The following NT5E variants were observed in gnomAD, a reference collection of about 807,000 sequenced individuals.
NT5E encodes the protein 5'-nucleotidase ecto, also known as 5'-nucleotidase.
A neutral mutation model predicts 55.1 loss-of-function variants in NT5E; 53 were observed. The ratio of observed to expected loss-of-function variants is 0.96; its 90% confidence interval spans 0.77 to 1.21. NT5E has a LOEUF of 1.21. Ranked by LOEUF, NT5E falls within the 50% of genes most tolerant of loss-of-function variation. The pLI is 0.00. For synonymous variants in NT5E, 270 were observed against 278.4 expected, an observed-to-expected ratio of 0.97 and a Z score of 0.30; for missense variants, 683 against 724.3, an observed-to-expected ratio of 0.94 and a Z score of 0.65.
intron 1 of NT5E, among the ~76,000 whole-genome samples, chr6:85,453,602 C>T (rs1341207864): frequency 1.3e-5 from 2 of 152,194 alleles, no homozygotes; most frequent in Admixed American, 1.3e-4. Context: ...CCAAGACAGG[C>T]TGTGGGGAAG....
At position 85,450,359 on chromosome 6, in the gene NT5E, G is replaced by C; in HGVS notation, c.220G>C (p.Ala74Pro). 6.3e-7 allele frequency: 1 copy of C among 1,594,900 alleles called. No homozygotes were observed. The highest frequency in any genetic ancestry group is 8.5e-7 in the Non-Finnish European group (1 of 1,172,154). The change falls in exon 1 of 9, where the codon GCC (alanine) becomes CCC (proline). Residue 74 changes from alanine (A) to proline (P), a missense_variant. Transcript: ENST00000257770. The surrounding 1 kb of genome is among the most constrained non-coding windows in gnomAD (Gnocchi z 4.0). ...LFTKVQQIRR[A>P]EPNVLLLDAG... Reference sequence around the variant, plus strand: ...CACCAAGGTTCAGCAGATCCGCCGCGCCGAACCCAACGTGCTGCTGCTGGA... The same window carrying C: ...CACCAAGGTTCAGCAGATCCGCCGCCCCGAACCCAACGTGCTGCTGCTGGA...
chr6:85,484,906 T>C (rs1161344855), intron 3 of NT5E, among the ~76,000 whole-genome samples: 1 of 152,218 alleles, frequency 6.6e-6, no homozygotes, highest in Admixed American at 6.5e-5. Context: ...CTAATCCACC[T>C]GGCTAGTGAG....
chr6:85,450,572 G>GT lies in NT5E; in HGVS notation c.339+95dup. The stretch of plus-strand genomic sequence containing the variant: ...GGATGGCAGAGTGTGGCAAGCCTAG[G>GT]TCCAGGGCGCGGAGAGATGTGGGGA... On this transcript the variant is annotated intron_variant, in intron 1 of 8. Coordinates refer to ENST00000257770, the MANE Select transcript of NT5E (RefSeq NM_002526.4). The surrounding 1 kb of genome is among the most constrained non-coding windows in gnomAD (Gnocchi z 4.0). 8.3e-7 allele frequency: 1 copy of GT among 1,202,818 alleles called. No homozygotes were observed. Among genetic ancestry groups the GT allele is most frequent in the Non-Finnish European group, 1.2e-6 (1 of 837,164 alleles). 74.5% of individuals were successfully genotyped at this position (1,202,818 alleles called of 1,614,324 possible).
At chr6:85,473,479 G>A (rs572120246) in intron 3 of NT5E, among the ~76,000 whole-genome samples, 16 of 152,090 alleles carry the variant, frequency 1.1e-4, no homozygotes, top group Non-Finnish European at 2.4e-4. Context: ...GACACACAGT[G>A]GGAGCTAGAT....
Position 85,471,326 on chromosome 6 carries a change from C to A in NT5E, c.652C>A (p.Leu218Met). Residue 218 changes from leucine (L) to methionine (M), a missense_variant, in exon 3 of 9, where the codon CTG (leucine) becomes ATG (methionine). Coordinates refer to ENST00000257770, the MANE Select transcript of NT5E (RefSeq NM_002526.4). ...TCTAAATGTGAACAAAATTATTGCA[C>A]TGGGACATTCGGGTTTTGAAATGGA... ...KTLNVNKIIA[L>M]GHSGFEMDKL... is the part of the protein sequence containing the mutation. 1 of 1,613,172 alleles carries A rather than the reference C, an allele frequency of 6.2e-7. No individual in the cohort carries two copies. Among genetic ancestry groups the A allele is most frequent in the South Asian group, 1.1e-5 (1 of 91,004 alleles).
intron 1 of NT5E, among the ~76,000 whole-genome samples, chr6:85,461,136 C>G (rs1480711151): frequency 6.6e-6 from 1 of 152,110 alleles, no homozygotes; most frequent in African/African-American, 2.4e-5. Flanking sequence ...TAAATATTTA[C>G]TGAATGAATG....
chr6:85,487,542 G>A, intron 5 of NT5E, 53 bp downstream of exon 5: 1 of 1,597,854 alleles, frequency 6.3e-7, no homozygotes, highest in Admixed American at 1.7e-5. Flanking sequence ...AAGGAAGAGG[G>A]AAGAGGAAGG....
At chr6:85,464,599 T>C (rs1769154692) in intron 1 of NT5E, among the ~76,000 whole-genome samples, 1 of 152,176 alleles carries the variant, frequency 6.6e-6, no homozygotes, top group Non-Finnish European at 1.5e-5. Context: ...TGTTTACTTC[T>C]ATCATAAAGG....
rs1769794673 is a variant in NT5E, at chr6:85,491,988, G to A, written c.1372G>A (p.Val458Met). 1 of 1,613,638 alleles carries A rather than the reference G, an allele frequency of 6.2e-7. No individual in the cohort carries two copies. The highest frequency in any genetic ancestry group is 8.5e-7 in the Non-Finnish European group (1 of 1,179,584). ...CATTTCTTTTCTAGGAATCCATGTG[G>A]TGTATGATCTTTCCCGAAAACCTGG... Reference protein sequence around the residue: ...EFLQVGGIHVVYDLSRKPGDR... With the variant: ...EFLQVGGIHVMYDLSRKPGDR... Residue 458 changes from valine (V) to methionine (M), a missense_variant, in exon 8 of 9, where the codon GTG becomes ATG. Transcript: ENST00000257770.
At position 85,456,505 on chromosome 6, in the gene NT5E, T is replaced by G. The variant is rs113715386; in HGVS notation, c.339+6027T>G. On this transcript the variant is annotated intron_variant, in intron 1 of 8. Transcript: ENST00000257770. ...TGTGGGATCTGATGCTAAGTCCAGG[T>G]AGAGAATGTCAGAATGCATCTGAAT... is the stretch of plus-strand genomic sequence containing the variant. 3.3e-3 allele frequency among the ~76,000 whole-genome samples: 504 copies of G among 152,228 alleles called. 2 individuals carry two copies. Among genetic ancestry groups the G allele is most frequent in the African/African-American group, 0.011 (475 of 41,534 alleles).
chr6:85,492,191 T>C lies in NT5E; in HGVS notation c.1561+14T>C, dbSNP rs1769800662. ...GACATGACTCTGGTAAGCATGACTGTCTCTTCCTTTCTCTAAAGAACAACA... is the reference window on the plus strand; with the variant it reads ...GACATGACTCTGGTAAGCATGACTGCCTCTTCCTTTCTCTAAAGAACAACA... On this transcript the variant is annotated intron_variant, in intron 8 of 8. Coordinates refer to ENST00000257770, the MANE Select transcript of NT5E (RefSeq NM_002526.4). 1.9e-6 allele frequency: 3 copies of C among 1,611,790 alleles called. No homozygotes were observed. The highest frequency in any genetic ancestry group is 2.7e-5 in the African/African-American group (2 of 74,986).
At chr6:85,462,735 G>T (rs970305150) in intron 1 of NT5E, among the ~76,000 whole-genome samples, 2 of 152,186 alleles carry the variant, frequency 1.3e-5, no homozygotes, top group African/African-American at 4.8e-5. Flanking sequence ...GATTTGGTGC[G>T]TGAACCATTA....
At chr6:85,480,826 T>C (rs193087802) in intron 3 of NT5E, among the ~76,000 whole-genome samples, 2 of 152,348 alleles carry the variant, frequency 1.3e-5, no homozygotes, top group East Asian at 3.9e-4. Flanking sequence ...ATCAAATCTT[T>C]GGTTTTACAA....
rs2127726259 is a variant in NT5E at position 85,493,964 on chromosome 6, T to G, written c.1685T>G (p.Phe562Cys). 5 of 1,614,118 alleles carry G rather than the reference T, an allele frequency of 3.1e-6. No homozygotes were observed. The Middle Eastern group carries it at 5.0e-4, about 160-fold the overall frequency. Residue 562 changes from phenylalanine (F) to cysteine (C), a missense_variant, in exon 9 of 9, where the codon TTT becomes TGT. Transcript: ENST00000257770. ...SHCHGSFSLI[F>C]LSLWAVIFVL... is the part of the protein sequence containing the mutation. Reference sequence around the variant, plus strand: ...TGCCATGGAAGCTTTTCTTTAATATTTCTTTCACTTTGGGCAGTGATCTTT... The same window carrying G: ...TGCCATGGAAGCTTTTCTTTAATATGTCTTTCACTTTGGGCAGTGATCTTT...
chr6:85,467,066 G>T lies in NT5E; in HGVS notation c.346G>T (p.Gly116Ter). 6.2e-7 allele frequency: 1 copy of T among 1,613,848 alleles called. No individual in the cohort carries two copies. Among genetic ancestry groups the T allele is most frequent in the South Asian group, 1.1e-5 (1 of 91,052 alleles). The change falls in exon 2 of 9, where the codon GGA becomes TGA. Residue 116 changes from glycine (G) to a stop codon, truncating the protein, a stop_gained. Coordinates refer to ENST00000257770, the MANE Select transcript of NT5E (RefSeq NM_002526.4). LOFTEE classifies it high-confidence loss of function. Reference protein sequence around the residue: ...NALRYDAMALGNHEFDNGVEG... With the variant: ...NALRYDAMAL ...TCTTTTCTGTTTTATCTAGGCACTGGGAAATCATGAATTTGATAATGGTGT... is the reference window on the plus strand; with the variant it reads ...TCTTTTCTGTTTTATCTAGGCACTGTGAAATCATGAATTTGATAATGGTGT...
intron 1 of NT5E, among the ~76,000 whole-genome samples, chr6:85,455,700 A>G (rs531070694): frequency 9.5e-4 from 144 of 152,332 alleles, no homozygotes; most frequent in African/African-American, 3.3e-3. Flanking sequence ...CAGGCTTGTG[A>G]TCAGCCTGAA....
At chr6:85,455,822 T>A (rs4579322) in intron 1 of NT5E, among the ~76,000 whole-genome samples, 115,858 of 152,100 alleles carry the variant, frequency 0.76, 45,277 homozygotes, top group African/African-American at 0.93. Flanking sequence ...TTTTCTGGAG[T>A]ACTGTTTGGT....
intron 3 of NT5E, among the ~76,000 whole-genome samples, chr6:85,479,373 A>G (rs540515595): frequency 1.3e-5 from 2 of 152,302 alleles, no homozygotes; most frequent in Admixed American, 6.5e-5. Flanking sequence ...CTAGGAATTC[A>G]TGACTGCTCA....
At chr6:85,452,739 A>G (rs1768910578) in intron 1 of NT5E, among the ~76,000 whole-genome samples, 1 of 152,226 alleles carries the variant, frequency 6.6e-6, no homozygotes, top group Non-Finnish European at 1.5e-5. Context: ...AGTATTGCAC[A>G]GATGTTTCAC....
Sources: allele counts gnomAD v4.1 joint callset (sites outside exome capture counted in the v4.1 genomes callset), GRCh38; gene constraint gnomAD v4.1.1; non-coding constraint Gnocchi (gnomAD v3.1); transcripts MANE v1.5; gene names NCBI Gene and HGNC (gene_info 2026-07-23, HGNC 2026-07-21).